Variants in ENTREP1 observed in about 807,000 individuals in gnomAD.
ENTREP1 encodes Friedreich ataxia region gene X123.
the ENTREP1 span, among the ~76,000 whole-genome samples, chr9:69,370,083 G>C: frequency 6.6e-6 from 1 of 152,148 alleles, no homozygotes; most frequent in Admixed American, 6.6e-5. Flanking sequence ...TTCAGTGTTA[G>C]GAGTAATGGG....
the ENTREP1 span, among the ~76,000 whole-genome samples, chr9:69,336,742 C>T: frequency 2.6e-5 from 4 of 152,178 alleles, no homozygotes; most frequent in South Asian, 6.2e-4. Context: ...GATGGAGTCT[C>T]GCACTGTTGC....
the ENTREP1 span, among the ~76,000 whole-genome samples, chr9:69,352,834 T>G: frequency 6.6e-6 from 1 of 152,096 alleles, no homozygotes; most frequent in East Asian, 1.9e-4. Flanking sequence ...ACCCCCAATA[T>G]GCCAAAAAGA....
chr9:69,360,023 T>A, the ENTREP1 span, among the ~76,000 whole-genome samples: 1 of 151,960 alleles, frequency 6.6e-6, no homozygotes, highest in Admixed American at 6.6e-5. Flanking sequence ...GTATCACTCA[T>A]TTTTTATAAG....
the ENTREP1 span, among the ~76,000 whole-genome samples, chr9:69,369,776 T>G: frequency 6.6e-6 from 1 of 152,184 alleles, no homozygotes; most frequent in Admixed American, 6.6e-5. Context: ...GTTTTTACTT[T>G]GCACTTGTGA....
chr9:69,333,872 C>T, the ENTREP1 span, among the ~76,000 whole-genome samples: 2 of 152,106 alleles, frequency 1.3e-5, no homozygotes, highest in Admixed American at 6.5e-5. Context: ...CACACATGCA[C>T]ACACATGTGC....
the ENTREP1 span, among the ~76,000 whole-genome samples, chr9:69,358,141 AT>A: frequency 6.6e-6 from 1 of 152,270 alleles, no homozygotes; most frequent in South Asian, 2.1e-4. Context: ...AGGAACAGGT[AT>A]TTTGTTCTTC....
chr9:69,367,591 T>TGG, the ENTREP1 span, among the ~76,000 whole-genome samples: 1 of 142,418 alleles, frequency 7.0e-6, no homozygotes, highest in Non-Finnish European at 1.5e-5. Context: ...AATTTATTCC[T>TGG]GGGTGTTTTA....
the ENTREP1 span, among the ~76,000 whole-genome samples, chr9:69,372,986 G>A: frequency 6.6e-6 from 1 of 151,744 alleles, no homozygotes; most frequent in Non-Finnish European, 1.5e-5. Context: ...TTCATTAAAG[G>A]AAGAATGTCT....
At chr9:69,362,900 C>G in the ENTREP1 span, among the ~76,000 whole-genome samples, 76 of 152,278 alleles carry the variant, frequency 5.0e-4, 1 homozygote, top group African/African-American at 1.8e-3. Flanking sequence ...GGGCTCAGAC[C>G]GGCTTCCTTG....
At chr9:69,359,883 A>G in the ENTREP1 span, among the ~76,000 whole-genome samples, 1 of 152,134 alleles carries the variant, frequency 6.6e-6, no homozygotes, top group Admixed American at 6.5e-5. Context: ...TGAATTGACA[A>G]GTACATTTGT....
At chr9:69,344,889 G>GT in the ENTREP1 span, among the ~76,000 whole-genome samples, 1 of 152,172 alleles carries the variant, frequency 6.6e-6, no homozygotes, top group African/African-American at 2.4e-5. Context: ...GATTCTGTGA[G>GT]CTACCTGATA....
chr9:69,332,110 C>T, the ENTREP1 span, among the ~76,000 whole-genome samples: 1 of 152,204 alleles, frequency 6.6e-6, no homozygotes, highest in South Asian at 2.1e-4. Flanking sequence ...CACCTCTGTT[C>T]CCATTACCAT....
At chr9:69,355,906 A>G in the ENTREP1 span, among the ~76,000 whole-genome samples, 3 of 152,222 alleles carry the variant, frequency 2.0e-5, no homozygotes, top group Non-Finnish European at 4.4e-5. Flanking sequence ...GTGTTCCAGG[A>G]GGCCTACTTT....
the ENTREP1 span, among the ~76,000 whole-genome samples, chr9:69,364,634 A>T: frequency 6.6e-6 from 1 of 152,130 alleles, no homozygotes; most frequent in Non-Finnish European, 1.5e-5. Flanking sequence ...GTAAACCCTG[A>T]GTTCTTTATG....
At chr9:69,366,358 T>C in the ENTREP1 span, among the ~76,000 whole-genome samples, 1 of 151,020 alleles carries the variant, frequency 6.6e-6, no homozygotes, top group Non-Finnish European at 1.5e-5. Flanking sequence ...TCTTTGCCCA[T>C]TGGTACAGTT....
chr9:69,367,526 A>G, the ENTREP1 span, among the ~76,000 whole-genome samples: 1 of 148,680 alleles, frequency 6.7e-6, no homozygotes, highest in South Asian at 2.1e-4. Flanking sequence ...CTTCTTTCAT[A>G]TCTTTCATCA....
At chr9:69,374,841 G>A in the ENTREP1 span, among the ~76,000 whole-genome samples, 2 of 152,174 alleles carry the variant, frequency 1.3e-5, no homozygotes, top group Non-Finnish European at 2.9e-5. Flanking sequence ...GATGAGAAGT[G>A]AGAATAAGTT....
At chr9:69,329,804 G>C in the ENTREP1 span, 4 of 727,282 alleles carry the variant, frequency 5.5e-6, no homozygotes, top group African/African-American at 3.9e-5. Flanking sequence ...TGGGGTGTGG[G>C]AGTTAACGAG....
chr9:69,340,685 GTGTGTGTGTATGTGTGTGTGTA>G, the ENTREP1 span, among the ~76,000 whole-genome samples: 7 of 133,212 alleles, frequency 5.3e-5, no homozygotes, highest in Non-Finnish European at 4.8e-5. Flanking sequence ...GTGCATGCAT[GTGTGTGTGTATGTGTGTGTGTA>G]TGTGTGTGTG....
Sources: allele counts gnomAD v4.1 joint callset (sites outside exome capture counted in the v4.1 genomes callset), GRCh38; gene constraint gnomAD v4.1.1; transcripts MANE v1.5; gene names NCBI Gene and HGNC (gene_info 2026-07-23, HGNC 2026-07-21).